Variants in TSNARE1 observed in about 807,000 individuals in gnomAD.
TSNARE1 encodes the protein t-SNARE domain-containing protein 1.
In TSNARE1, 49 loss-of-function variants were observed where a neutral mutation model predicts 62.0. The observed-to-expected ratio is 0.79, with a 90% CI of 0.63 to 1.00. TSNARE1 has a LOEUF of 1.00. TSNARE1 is among the 50% of genes least tolerant of loss of function. The pLI is 0.00. For missense variants in TSNARE1, 755 were observed against 700.1 expected, an observed-to-expected ratio of 1.08 and a Z score of -0.88; for synonymous variants, 328 against 294.4, an observed-to-expected ratio of 1.11 and a Z score of -1.17.
chr8:142,352,790 C>T (rs1397741905), intron 2 of TSNARE1, among the ~76,000 whole-genome samples: 1 of 152,188 alleles, frequency 6.6e-6, no homozygotes, highest in African/African-American at 2.4e-5. Flanking sequence ...CAAGATGCGG[C>T]ACATACACAG....
At chr8:142,274,910 GC>G in intron 11 of TSNARE1, 47 bp from the exon 12 acceptor site, 15 of 1,457,380 alleles carry the variant, frequency 1.0e-5, no homozygotes, top group South Asian at 9.9e-5. Flanking sequence ...AGGCCCAGCC[GC>G]CCCCGCCCTG....
intron 12 of TSNARE1, among the ~76,000 whole-genome samples, chr8:142,245,868 A>G (rs1817863169): frequency 6.6e-6 from 1 of 152,112 alleles, no homozygotes; most frequent in South Asian, 2.1e-4. Context: ...CGCTACACAC[A>G]ACCTGGTGTG....
At chr8:142,303,727 T>C (rs976447682) in intron 9 of TSNARE1, among the ~76,000 whole-genome samples, 6 of 152,208 alleles carry the variant, frequency 3.9e-5, no homozygotes, top group African/African-American at 1.4e-4. Flanking sequence ...AGGAGGGCTG[T>C]ATGCTGGTAT....
intron 12 of TSNARE1, among the ~76,000 whole-genome samples, chr8:142,239,340 A>G (rs1184339588): frequency 6.6e-6 from 1 of 152,228 alleles, no homozygotes; most frequent in East Asian, 1.9e-4. Flanking sequence ...GTAAGAGCCA[A>G]GACAGGCCTG....
At chr8:142,316,459 GTGTAACTAACTTTTGAAC>G (rs1828540076) in intron 7 of TSNARE1, among the ~76,000 whole-genome samples, 1 of 151,768 alleles carries the variant, frequency 6.6e-6, no homozygotes, top group African/African-American at 2.4e-5. Context: ...CAGTTTTTTA[GTGTAACTAACTTTTGAAC>G]TGACTCTACT....
intron 12 of TSNARE1, among the ~76,000 whole-genome samples, chr8:142,253,850 C>T (rs76126340): frequency 6.6e-6 from 1 of 152,330 alleles, no homozygotes; most frequent in South Asian, 2.1e-4. Context: ...CATGGACTCC[C>T]GAGCCCGGAA....
chr8:142,391,228 TATA>T (rs1468434700), intron 1 of TSNARE1, among the ~76,000 whole-genome samples: 29 of 147,488 alleles, frequency 2.0e-4, no homozygotes, highest in Non-Finnish European at 1.2e-4. Context: ...CAGGGGACTC[TATA>T]GCAGACGCTG....
At chr8:142,405,145 C>G (rs1384769090), upstream of TSNARE1, 2 of 152,254 alleles carry the variant, frequency 1.3e-5, no homozygotes, top group Non-Finnish European at 2.9e-5. Flanking sequence ...CAGGAGCCCA[C>G]TCCCTCAGGC....
intron 2 of TSNARE1, among the ~76,000 whole-genome samples, chr8:142,346,137 A>G (rs1017939848): frequency 6.6e-6 from 1 of 152,244 alleles, no homozygotes; most frequent in African/African-American, 2.4e-5. Context: ...ATGTGACTGC[A>G]AACTAGCAAA....
rs1270347141 is a variant in TSNARE1, at chr8:142,221,709, CCACTCACT to C, written c.*11+7756_*11+7763del. ...CTCACTCACTCATCCACTCACTCAT[CCACTCACT>C]CACTCATTCACTCACTCATTCACTC... is the stretch of plus-strand genomic sequence containing the variant. On this transcript the variant is annotated intron_variant, in intron 13 of 13. Transcript: ENST00000524325. Among the ~76,000 whole-genome samples the C allele has an allele frequency of 1.2e-3, 127 of 103,916 alleles. 11 individuals carry two copies. Among genetic ancestry groups the C allele is most frequent in the Non-Finnish European group, 2.1e-3 (97 of 46,576 alleles). The allele number at this position is 103,916 out of a possible 152,430, so 68.2% of individuals were successfully genotyped here.
At chr8:142,356,167 G>A (rs1834716130) in intron 1 of TSNARE1, among the ~76,000 whole-genome samples, 1 of 152,208 alleles carries the variant, frequency 6.6e-6, no homozygotes, top group African/African-American at 2.4e-5. Flanking sequence ...CACCCTCCGG[G>A]CAGGCCCAGC....
At chr8:142,402,262 C>T (rs1330218337) in intron 1 of TSNARE1, among the ~76,000 whole-genome samples, 5 of 152,194 alleles carry the variant, frequency 3.3e-5, no homozygotes, top group African/African-American at 1.2e-4. Flanking sequence ...CACCACACCG[C>T]TCACAGAACT....
At chr8:142,216,068 A>C (rs564918445) in intron 13 of TSNARE1, among the ~76,000 whole-genome samples, 10 of 152,020 alleles carry the variant, frequency 6.6e-5, no homozygotes, top group African/African-American at 2.4e-4. Flanking sequence ...TCTGAGGGGG[A>C]AAGGTTCCCA....
chr8:142,344,135 T>C lies in TSNARE1; in HGVS notation c.576A>G (p.Arg192=). 2 of 1,612,768 alleles carry C rather than the reference T, an allele frequency of 1.2e-6. No individual in the cohort carries two copies. Among genetic ancestry groups the C allele is most frequent in the Non-Finnish European group, 1.7e-6 (2 of 1,179,722 alleles). ...CGCCCAGCTTGCGCCGCACGACGGC[T>C]CGTAGGTCCCGCCACTTGTGCTTCA... ...VDLKHKWRDL[R]AVVRRKLGDL... The change falls in exon 4 of 14, where the codon CGA becomes CGG. Residue 192 remains arginine, a synonymous_variant. Coordinates refer to ENST00000524325, the MANE Select transcript of TSNARE1 (RefSeq NM_145003.5).
intron 10 of TSNARE1, among the ~76,000 whole-genome samples, chr8:142,286,080 G>A (rs1025826319): frequency 2.0e-5 from 3 of 152,174 alleles, no homozygotes; most frequent in Admixed American, 6.5e-5. Context: ...TGACTGCCAC[G>A]CTGCACCTAG....
intron 2 of TSNARE1, among the ~76,000 whole-genome samples, chr8:142,351,172 G>A (rs2130657295): frequency 6.6e-6 from 1 of 152,322 alleles, no homozygotes; most frequent in African/African-American, 2.4e-5. Context: ...AGCAGTGAGG[G>A]GAAGCCAAGG....
At chr8:142,331,927 G>A (rs1329175168) in intron 4 of TSNARE1, 96 bp from the exon 5 acceptor site, 1 of 1,235,072 alleles carries the variant, frequency 8.1e-7, no homozygotes, top group Non-Finnish European at 1.2e-6. Flanking sequence ...CAGGGGCAGG[G>A]ACCCGACAGG....
intron 11 of TSNARE1, among the ~76,000 whole-genome samples, chr8:142,280,961 C>T (rs946104042): frequency 6.6e-6 from 1 of 152,188 alleles, no homozygotes; most frequent in African/African-American, 2.4e-5. Context: ...CCTGGCCCAG[C>T]CCCGCCCCAG....
intron 13 of TSNARE1, among the ~76,000 whole-genome samples, chr8:142,228,108 G>A (rs563281648): frequency 9.8e-4 from 150 of 152,298 alleles, no homozygotes; most frequent in African/African-American, 2.0e-3. Flanking sequence ...TCCTTCAGCC[G>A]CAGTTGAGTC....
Sources: allele counts gnomAD v4.1 joint callset (sites outside exome capture counted in the v4.1 genomes callset), GRCh38; gene constraint gnomAD v4.1.1; transcripts MANE v1.5; gene names NCBI Gene and HGNC (gene_info 2026-07-23, HGNC 2026-07-21).